SCAI: variants seen among roughly 807,000 people sequenced by gnomAD.
SCAI encodes protein SCAI.
A neutral mutation model predicts 92.2 loss-of-function variants in SCAI; 24 were observed. That is an observed-to-expected ratio of 0.26 (90% CI 0.19 to 0.37). The LOEUF (loss-of-function observed/expected upper bound fraction) is 0.37, where lower values mean the gene tolerates loss of function less well. SCAI is among the 10% of genes least tolerant of loss of function. The pLI is 1.00. For synonymous variants in SCAI, 261 were observed against 258.6 expected, an observed-to-expected ratio of 1.01 and a Z score of -0.09; for missense variants, 450 against 736.2, an observed-to-expected ratio of 0.61 and a Z score of 4.50.
chr9:125,122,670 C>A (rs1256290179), intron 2 of SCAI, among the ~76,000 whole-genome samples: 2 of 151,180 alleles, frequency 1.3e-5, no homozygotes, highest in East Asian at 3.9e-4. Flanking sequence ...TTTGGGAGGC[C>A]GAGGCGGGTG....
At chr9:125,124,296 T>C (rs1189815066) in intron 2 of SCAI, among the ~76,000 whole-genome samples, 1 of 152,212 alleles carries the variant, frequency 6.6e-6, no homozygotes, top group South Asian at 2.1e-4. Context: ...GAGGTATATA[T>C]ATTTAAAAAG....
intron 2 of SCAI, among the ~76,000 whole-genome samples, chr9:125,122,702 C>T (rs1835180209): frequency 6.6e-6 from 1 of 151,062 alleles, no homozygotes; most frequent in South Asian, 2.1e-4. Flanking sequence ...CCCAGGAGTT[C>T]GAGACCAGCC....
intron 2 of SCAI, among the ~76,000 whole-genome samples, chr9:125,136,703 C>A (rs1835540413): frequency 6.6e-6 from 1 of 151,806 alleles, no homozygotes; most frequent in Admixed American, 6.6e-5. Context: ...TCGTGATCTG[C>A]CAGCCTGGGC....
intron 2 of SCAI, among the ~76,000 whole-genome samples, chr9:125,066,745 G>A (rs780836016): frequency 4.3e-4 from 65 of 152,098 alleles, no homozygotes; most frequent in Non-Finnish European, 7.9e-4. Context: ...GAGCCACTGC[G>A]CCTGGCCTAT....
chr9:125,040,627 TA>T (rs1377069703), intron 3 of SCAI, among the ~76,000 whole-genome samples: 1 of 151,968 alleles, frequency 6.6e-6, no homozygotes, highest in Non-Finnish European at 1.5e-5. Context: ...CTGTTTTGTT[TA>T]TTTATTTATT....
At chr9:125,006,180 C>A (rs1832503094) in intron 9 of SCAI, among the ~76,000 whole-genome samples, 1 of 152,086 alleles carries the variant, frequency 6.6e-6, no homozygotes, top group African/African-American at 2.4e-5. Context: ...AAAGGCACGC[C>A]TGATTCAGCA....
intron 17 of SCAI, among the ~76,000 whole-genome samples, chr9:124,953,746 A>G (rs1413964823): frequency 6.6e-6 from 1 of 152,102 alleles, no homozygotes; most frequent in African/African-American, 2.4e-5. Context: ...AGTTCTATAA[A>G]CTATAATCCT....
At chr9:125,020,951 T>C (rs1328974327) in intron 6 of SCAI, among the ~76,000 whole-genome samples, 182 bp from the exon 7 acceptor site, 1 of 152,222 alleles carries the variant, frequency 6.6e-6, no homozygotes, top group East Asian at 1.9e-4. Flanking sequence ...TGTTTACTCA[T>C]ATATTCATTC....
chr9:124,996,528 C>T (rs1264248638), intron 13 of SCAI, among the ~76,000 whole-genome samples: 1 of 152,110 alleles, frequency 6.6e-6, no homozygotes, highest in Non-Finnish European at 1.5e-5. Flanking sequence ...GTCTTGAACT[C>T]CTGAACTCAA....
chr9:125,026,826 G>A lies in SCAI; in HGVS notation c.498C>T (p.Val166=), dbSNP rs748040091. The change falls in exon 6 of 18, where the codon GTC becomes GTT. Residue 166 remains valine (V), a synonymous_variant. Transcript: ENST00000336505. ...CAGATACATACCTGTCCTCTTTATT[G>A]ACTTGAGAATAATATGATCTCTGTC... The part of the protein sequence containing the change: ...AIRQRSYYSQ[V]NKEDRPELVV... The A allele has an allele frequency of 6.4e-7, 1 of 1,556,220 alleles. No individual in the cohort carries two copies. Among genetic ancestry groups the A allele is most frequent in the South Asian group, 1.1e-5 (1 of 88,702 alleles).
chr9:125,138,192 A>G (rs922742083), intron 2 of SCAI, among the ~76,000 whole-genome samples: 3 of 150,598 alleles, frequency 2.0e-5, no homozygotes, highest in African/African-American at 7.3e-5. Context: ...TGTACCTTCT[A>G]TGTGCCAGGC....
intron 2 of SCAI, among the ~76,000 whole-genome samples, chr9:125,142,085 C>T (rs746805181): frequency 3.3e-5 from 5 of 152,128 alleles, no homozygotes; most frequent in Non-Finnish European, 7.4e-5. Flanking sequence ...TCCACAACAC[C>T]CGCTCAGCTA....
chr9:124,952,103 G>T lies in SCAI; in HGVS notation c.*704C>A, dbSNP rs954081987. On this transcript the variant is annotated 3_prime_UTR_variant, in exon 18 of 18. Coordinates refer to ENST00000336505, the MANE Select transcript of SCAI (RefSeq NM_001144877.3). ...TTTTTGACTAAAATATTTCAAAGTT[G>T]TTTCCTTTTTCATTTCCAGCATTCA... is the stretch of plus-strand genomic sequence containing the variant. 6.6e-6 allele frequency: 1 copy of T among 152,136 alleles called. No individual in the cohort carries two copies. Among genetic ancestry groups the T allele is most frequent in the Non-Finnish European group, 1.5e-5 (1 of 68,014 alleles). The allele number at this position is 152,136 out of a possible 1,614,324, so 9.4% of individuals were successfully genotyped here.
intron 2 of SCAI, among the ~76,000 whole-genome samples, chr9:125,131,585 C>T (rs10986578): frequency 0.43 from 65,783 of 151,754 alleles, 14,641 homozygotes; most frequent in East Asian, 0.53. Flanking sequence ...AAAATCACTG[C>T]TTAACTCTTC....
chr9:124,947,787 C>T lies in SCAI; in HGVS notation c.*5020G>A, dbSNP rs1012369470. On this transcript the variant is annotated 3_prime_UTR_variant, in exon 18 of 18. Coordinates refer to ENST00000336505, the MANE Select transcript of SCAI (RefSeq NM_001144877.3). ...AAATACCCTCTATGATTTCCAAACA[C>T]ACACAGGAACATATACACCCAAAAC... The T allele has an allele frequency of 1.3e-5, 2 of 152,150 alleles. No individual in the cohort carries two copies. The highest frequency in any genetic ancestry group is 4.8e-5 in the African/African-American group (2 of 41,424). 9.4% of individuals were successfully genotyped at this position (152,150 alleles called of 1,614,324 possible). A position where few individuals can be genotyped will look rare whatever the true frequency, so the allele number is the denominator to read the frequency against.
chr9:125,029,534 T>G, intron 4 of SCAI, 110 bp downstream of exon 4: 3 of 549,730 alleles, frequency 5.5e-6, no homozygotes, highest in Non-Finnish European at 6.4e-6. Context: ...GCTTTGTTGG[T>G]GAAAAAAAAG....
rs1467036725 is a variant in SCAI at position 124,948,842 on chromosome 9, CTCTGT to C, written c.*3960_*3964del. 1 of 152,136 alleles carries C rather than the reference CTCTGT, an allele frequency of 6.6e-6. No homozygotes were observed. The highest frequency in any genetic ancestry group is 1.5e-5 in the Non-Finnish European group (1 of 68,018). 9.4% of individuals were successfully genotyped at this position (152,136 alleles called of 1,614,324 possible). A position where few individuals can be genotyped will look rare whatever the true frequency, so the allele number is the denominator to read the frequency against. The stretch of plus-strand genomic sequence containing the variant: ...AGGAGTGCTTTTTCCCTTTGCTTTG[CTCTGT>C]TCTTAGTTCCAATATTTAAATTTTT... On this transcript the variant is annotated 3_prime_UTR_variant, in exon 18 of 18. Coordinates refer to ENST00000336505, the MANE Select transcript of SCAI (RefSeq NM_001144877.3).
rs1299320910 is a variant in SCAI at position 125,055,915 on chromosome 9, T to C, written c.191A>G (p.Tyr64Cys). Residue 64 changes from tyrosine (Y) to cysteine (C), a missense_variant, in exon 3 of 18, where the codon TAT becomes TGT. Tyr to Cys is a radical substitution (Grantham distance 194). Transcript: ENST00000336505. Reference sequence around the variant, plus strand: ...CAGTTGCTTAGATTTATCCAGAAGATAACAAAAATCTGTAACTGTTTTCCT... The same window carrying C: ...CAGTTGCTTAGATTTATCCAGAAGACAACAAAAATCTGTAACTGTTTTCCT... ...GERKTVTDFC[Y>C]LLDKSKQLFN... is the part of the protein sequence containing the mutation. 1 of 1,613,046 alleles carries C rather than the reference T, an allele frequency of 6.2e-7. No individual in the cohort carries two copies. The highest frequency in any genetic ancestry group is 8.5e-7 in the Non-Finnish European group (1 of 1,179,420).
chr9:124,965,340 TCTC>T (rs541685874), intron 17 of SCAI, among the ~76,000 whole-genome samples: 79 of 152,244 alleles, frequency 5.2e-4, no homozygotes, highest in African/African-American at 1.8e-3. Context: ...TTCAAGCAGT[TCTC>T]CTGTCTCAGC....
Sources: allele counts gnomAD v4.1 joint callset (sites outside exome capture counted in the v4.1 genomes callset), GRCh38; gene constraint gnomAD v4.1.1; transcripts MANE v1.5; gene names NCBI Gene and HGNC (gene_info 2026-07-23, HGNC 2026-07-21).